Variants in CCSER1 observed in about 807,000 individuals in gnomAD.
CCSER1 encodes the protein coiled-coil serine rich protein 1.
In CCSER1, 41 loss-of-function variants were observed where a neutral mutation model predicts 82.0. The ratio of observed to expected loss-of-function variants is 0.50; its 90% CI spans 0.39 to 0.65. CCSER1 has a LOEUF of 0.65. Among genes scored for constraint, CCSER1 ranks in the 30% least tolerant of loss-of-function variants. CCSER1 has a pLI of 0.00. For synonymous variants in CCSER1, 414 were observed against 383.9 expected, an observed-to-expected ratio of 1.08 and a Z score of -0.92; for missense variants, 1,119 against 1,064.2, an observed-to-expected ratio of 1.05 and a Z score of -0.72.
chr4:90,143,284 A>G (rs1377816375), intron 1 of CCSER1, among the ~76,000 whole-genome samples: 3 of 152,142 alleles, frequency 2.0e-5, no homozygotes, highest in Admixed American at 6.6e-5. Flanking sequence ...TCTCAAGTCA[A>G]GCATCATGTC....
intron 10 of CCSER1, among the ~76,000 whole-genome samples, chr4:91,237,357 T>C (rs1317331204): frequency 5.3e-5 from 8 of 151,366 alleles, no homozygotes; most frequent in Middle Eastern, 6.9e-3. Flanking sequence ...AACTTGAGAA[T>C]GCATTACCAA....
intron 5 of CCSER1, among the ~76,000 whole-genome samples, chr4:90,509,640 C>A (rs1357777475): frequency 6.6e-6 from 1 of 152,086 alleles, no homozygotes; most frequent in Non-Finnish European, 1.5e-5. Flanking sequence ...TTCCTGTCAG[C>A]TGATTTCTGG....
At chr4:90,437,059 GA>G (rs1423034889) in intron 4 of CCSER1, among the ~76,000 whole-genome samples, 1 of 151,996 alleles carries the variant, frequency 6.6e-6, no homozygotes, top group Non-Finnish European at 1.5e-5. Context: ...CTGACCTTGT[GA>G]TCCACCTGCC....
intron 10 of CCSER1, among the ~76,000 whole-genome samples, chr4:91,553,812 T>G (rs957645868): frequency 1.3e-5 from 2 of 150,964 alleles, no homozygotes; most frequent in African/African-American, 4.9e-5. Context: ...TATCCACTCT[T>G]TTTTCTTTTA....
chr4:91,423,673 T>C (rs1753805812), intron 10 of CCSER1, among the ~76,000 whole-genome samples: 1 of 152,120 alleles, frequency 6.6e-6, no homozygotes, highest in Non-Finnish European at 1.5e-5. Context: ...TGGAACTTTA[T>C]TCAGAAGAGT....
intron 9 of CCSER1, among the ~76,000 whole-genome samples, chr4:91,067,355 T>C (rs1358602061): frequency 1.3e-5 from 2 of 151,712 alleles, no homozygotes; most frequent in Non-Finnish European, 2.9e-5. Context: ...TTTTCTTTTT[T>C]TTTTGCTGAG....
chr4:90,786,147 G>A (rs1580459677), intron 7 of CCSER1, among the ~76,000 whole-genome samples: 1 of 152,148 alleles, frequency 6.6e-6, no homozygotes. Context: ...GGAAAGCTGG[G>A]CAGATAGAAA....
intron 8 of CCSER1, among the ~76,000 whole-genome samples, chr4:90,906,614 A>G (rs1314314662): frequency 3.3e-5 from 5 of 152,148 alleles, no homozygotes; most frequent in Admixed American, 3.3e-4. Context: ...TTTCTTTAAA[A>G]TAGGAATCTT....
rs768003006 is a variant in CCSER1 at position 91,601,143 on chromosome 4, C to T, written c.*2086C>T. 6.6e-6 allele frequency: 1 copy of T among 151,962 alleles called. No individual in the cohort carries two copies. Among genetic ancestry groups the T allele is most frequent in the Admixed American group, 6.6e-5 (1 of 15,250 alleles). The allele number at this position is 151,962 out of a possible 1,614,324, so 9.4% of individuals were successfully genotyped here. ...TCACAAATAATGTTTTTGATTTGGACTTTTGGAGTTGATAGTTTTGTTTTC... is the reference window on the plus strand; with the variant it reads ...TCACAAATAATGTTTTTGATTTGGATTTTTGGAGTTGATAGTTTTGTTTTC... On this transcript the variant is annotated 3_prime_UTR_variant, in exon 11 of 11. Transcript: ENST00000509176.
At chr4:90,169,601 A>G (rs529167537) in intron 1 of CCSER1, among the ~76,000 whole-genome samples, 1 of 152,236 alleles carries the variant, frequency 6.6e-6, no homozygotes, top group African/African-American at 2.4e-5. Context: ...AGAAAGAAAT[A>G]GAATATCATT....
chr4:90,496,926 C>T (rs369996524), intron 5 of CCSER1, among the ~76,000 whole-genome samples: 4 of 134,516 alleles, frequency 3.0e-5, no homozygotes, highest in East Asian at 2.3e-4. Flanking sequence ...TGCAGTGAAC[C>T]GAGATTGTGC....
chr4:91,276,413 A>G (rs1029787534), intron 10 of CCSER1, among the ~76,000 whole-genome samples: 22 of 151,580 alleles, frequency 1.5e-4, no homozygotes, highest in South Asian at 2.1e-4. Flanking sequence ...CTATTGAAAA[A>G]TGAGATTACC....
chr4:90,712,488 G>T (rs139573870), intron 6 of CCSER1, among the ~76,000 whole-genome samples: 77 of 150,760 alleles, frequency 5.1e-4, no homozygotes, highest in Non-Finnish European at 1.0e-3. Context: ...TCTAGTTTGG[G>T]CTGTGGTTCA....
intron 10 of CCSER1, among the ~76,000 whole-genome samples, chr4:91,162,303 C>G (rs762582265): frequency 7.2e-5 from 11 of 152,142 alleles, no homozygotes; most frequent in Non-Finnish European, 1.3e-4. Context: ...GGTGGATAAG[C>G]TTTTAGATGT....
chr4:90,940,904 T>C (rs1472290888), intron 9 of CCSER1, among the ~76,000 whole-genome samples: 1 of 152,176 alleles, frequency 6.6e-6, no homozygotes, highest in Admixed American at 6.5e-5. Context: ...TTTGTTTTGT[T>C]TTCCTGATTC....
At chr4:90,326,969 C>A (rs776342549) in intron 3 of CCSER1, among the ~76,000 whole-genome samples, 1 of 152,078 alleles carries the variant, frequency 6.6e-6, no homozygotes, top group African/African-American at 2.4e-5. Context: ...TTTTAGATTC[C>A]ATCTTCATTT....
Position 91,156,133 on chromosome 4 carries a change from A to G in CCSER1, c.2217+70139A>G, listed in dbSNP as rs1022927420. On this transcript the variant is annotated intron_variant, in intron 10 of 10. Coordinates refer to ENST00000509176, the MANE Select transcript of CCSER1 (RefSeq NM_001145065.2). ...ATAATATTGTTTATGTTGATAATAT[A>G]TGATATTGATAATTGTTGAAGGGAG... Among the ~76,000 whole-genome samples the G allele has an allele frequency of 2.6e-5, 4 of 151,798 alleles. 1 individual carries two copies. Among genetic ancestry groups the G allele is most frequent in the South Asian group, 2.1e-4 (1 of 4,814 alleles).
intron 7 of CCSER1, among the ~76,000 whole-genome samples, chr4:90,796,417 TTA>T (rs1491095825): frequency 0.011 from 1,456 of 137,590 alleles, 14 homozygotes; most frequent in African/African-American, 0.027. Context: ...TGTACTAAAT[TTA>T]AAAAAAAAAA....
Position 90,932,898 on chromosome 4 carries a change from GAGAAAGAAGGAGAAAGAAAGAA to G in CCSER1, c.2172+9460_2172+9481del, listed in dbSNP as rs1385195199. 1.9e-3 allele frequency among the ~76,000 whole-genome samples: 123 copies of G among 63,192 alleles called. 27 individuals carry two copies. Among genetic ancestry groups the G allele is most frequent in the Admixed American group, 4.2e-3 (23 of 5,426 alleles). The allele number at this position is 63,192 out of a possible 152,430, so 41.5% of individuals were successfully genotyped here. On this transcript the variant is annotated intron_variant, in intron 9 of 10. Transcript: ENST00000509176. ...GGAAGGAAGGAAAGAAAGAAGGAAG[GAGAAAGAAGGAGAAAGAAAGAA>G]AGAAAGAAAGAAAGAAAGAAAGAAA...
Sources: allele counts gnomAD v4.1 joint callset (sites outside exome capture counted in the v4.1 genomes callset), GRCh38; gene constraint gnomAD v4.1.1; transcripts MANE v1.5; gene names NCBI Gene and HGNC (gene_info 2026-07-23, HGNC 2026-07-21).